Variants in ANAPC5 observed in about 807,000 individuals in gnomAD.
The protein encoded by ANAPC5 is anaphase promoting complex subunit 5, also known as anaphase-promoting complex subunit 5.
In ANAPC5, 60 loss-of-function variants were observed where a neutral mutation model predicts 91.3. The ratio of observed to expected loss-of-function variants is 0.66; its 90% confidence interval spans 0.53 to 0.81. The LOEUF is 0.81. Ranked by LOEUF, ANAPC5 falls within the 40% of genes least tolerant of loss-of-function variation. The pLI, the probability that ANAPC5 is intolerant of heterozygous loss-of-function variation, is 0.00. For synonymous variants in ANAPC5, 340 were observed against 364.1 expected, an observed-to-expected ratio of 0.93 and a Z score of 0.75; for missense variants, 690 against 931.5, an observed-to-expected ratio of 0.74 and a Z score of 3.37.
intron 2 of ANAPC5, 63 bp from the exon 3 acceptor site, chr12:121,347,068 T>C (rs1903696124): frequency 2.1e-6 from 2 of 969,462 alleles, no homozygotes; most frequent in Non-Finnish European, 3.1e-6. Flanking sequence ...TCATGTTTCA[T>C]ATTCCTCAAT....
At chr12:121,337,243 C>G in intron 6 of ANAPC5, 48 bp downstream of exon 6, 1 of 1,489,204 alleles carries the variant, frequency 6.7e-7, no homozygotes, top group Non-Finnish European at 9.3e-7. Context: ...AAAAAAGTTG[C>G]CTTGTCATTC....
At chr12:121,341,932 C>CACACATCACAGGACTAG in intron 5 of ANAPC5, 71 bp downstream of exon 5, 1 of 1,242,808 alleles carries the variant, frequency 8.0e-7, no homozygotes, top group Non-Finnish European at 1.1e-6. Context: ...TATGCCACAA[C>CACACATCACAGGACTAG]ACACATCACA....
chr12:121,337,121 G>C (rs2136799052), intron 6 of ANAPC5, among the ~76,000 whole-genome samples, 170 bp downstream of exon 6: 1 of 152,334 alleles, frequency 6.6e-6, no homozygotes, highest in East Asian at 1.9e-4. Context: ...GGGAGGCTGA[G>C]GCAGGAGAAT....
At chr12:121,330,442 A>G in intron 9 of ANAPC5, 141 bp downstream of exon 9, 1 of 624,050 alleles carries the variant, frequency 1.6e-6, no homozygotes, top group East Asian at 2.9e-5. Flanking sequence ...TAATAATTAA[A>G]GTCATATGAA....
intron 9 of ANAPC5, among the ~76,000 whole-genome samples, chr12:121,329,982 C>T (rs1213629937): frequency 6.6e-6 from 1 of 152,176 alleles, no homozygotes; most frequent in African/African-American, 2.4e-5. Flanking sequence ...TTCCCTATCA[C>T]TCAAAACGAG....
intron 1 of ANAPC5, among the ~76,000 whole-genome samples, chr12:121,349,881 T>C (rs1394056350): frequency 1.3e-5 from 2 of 152,068 alleles, no homozygotes; most frequent in Non-Finnish European, 1.5e-5. Flanking sequence ...TAATTTTTTT[T>C]TGTATTTTTA....
chr12:121,312,890 TAC>T (rs1902225232), intron 15 of ANAPC5, among the ~76,000 whole-genome samples: 1 of 149,056 alleles, frequency 6.7e-6, no homozygotes, highest in Admixed American at 6.7e-5. Context: ...AAAAAAAAAA[TAC>T]ACAGACTCTC....
intron 9 of ANAPC5, chr12:121,328,838 G>T: frequency 4.6e-6 from 1 of 217,436 alleles, no homozygotes; most frequent in Non-Finnish European, 9.2e-6. Flanking sequence ...TGTAAAATGG[G>T]CATCAAACCT....
At chr12:121,346,798 G>T in intron 3 of ANAPC5, 98 bp downstream of exon 3, 1 of 633,656 alleles carries the variant, frequency 1.6e-6, no homozygotes, top group Non-Finnish European at 2.6e-6. Flanking sequence ...TCCCCACTGT[G>T]TCTGTTCACA....
rs997314764 is a variant in ANAPC5, at chr12:121,331,500, A to C, written c.951-72T>G. 1.8e-5 allele frequency: 23 copies of C among 1,294,494 alleles called. No individual in the cohort carries two copies. The African/African-American group carries it at 2.2e-4, about 12-fold the overall frequency. 80.2% of individuals were successfully genotyped at this position (1,294,494 alleles called of 1,614,324 possible). Reference sequence around the variant, plus strand: ...GCATAAGCAACCATAGCAGGAAGTCATCTGTACACAGTCATCCAAATGCAG... The same window carrying C: ...GCATAAGCAACCATAGCAGGAAGTCCTCTGTACACAGTCATCCAAATGCAG... On this transcript the variant is annotated intron_variant, in intron 7 of 16. Coordinates refer to ENST00000261819, the MANE Select transcript of ANAPC5 (RefSeq NM_016237.5).
rs781870840 is a variant in ANAPC5 at position 121,327,185 on chromosome 12, G to A, written c.1351C>T (p.Leu451=). The change falls in exon 11 of 17, where the codon CTG becomes TTG. Residue 451 remains leucine, a synonymous_variant. Coordinates refer to ENST00000261819, the MANE Select transcript of ANAPC5 (RefSeq NM_016237.5). ...TGCACGCCCGCATTCACCGCCTCCA[G>A]GCTGTTCATGCTCAGCAACATCTGG... ...QAQMLLSMNS[L]EAVNAGVQQN... is the part of the protein sequence containing the mutation. 2.5e-6 allele frequency: 4 copies of A among 1,613,622 alleles called. No homozygotes were observed. The South Asian group carries it at 4.4e-5, about 18-fold the overall frequency.
At chr12:121,340,767 G>C (rs782577827) in intron 5 of ANAPC5, among the ~76,000 whole-genome samples, 31 of 151,316 alleles carry the variant, frequency 2.0e-4, no homozygotes, top group Non-Finnish European at 4.0e-4. Flanking sequence ...TCACCATGTT[G>C]GTCAGGCTGC....
At chr12:121,352,961 C>G (rs1218638732), upstream of ANAPC5, among the ~76,000 whole-genome samples, 1 of 151,970 alleles carries the variant, frequency 6.6e-6, no homozygotes, top group Non-Finnish European at 1.5e-5. Flanking sequence ...TTTAAAAGTA[C>G]CGAAATTAAA....
chr12:121,345,874 T>C lies in ANAPC5; in HGVS notation c.555A>G (p.Arg185=), dbSNP rs114147962. Residue 185 remains arginine, a synonymous_variant, in exon 4 of 17, where the codon AGA becomes AGG. Coordinates refer to ENST00000261819, the MANE Select transcript of ANAPC5 (RefSeq NM_016237.5). ...MELTSRDEGE[R]KMEKEELDVS... ...CATCAAGTTCTTCTTTTTCCATTTT[T>C]CTTTCACCCTCATCTCTACTGGTCA... 6.2e-7 allele frequency: 1 copy of C among 1,613,750 alleles called. No individual in the cohort carries two copies. The highest frequency in any genetic ancestry group is 8.5e-7 in the Non-Finnish European group (1 of 1,179,932).
intron 4 of ANAPC5, among the ~76,000 whole-genome samples, chr12:121,343,444 G>A (rs1436035548): frequency 6.6e-6 from 1 of 152,176 alleles, no homozygotes; most frequent in Non-Finnish European, 1.5e-5. Context: ...CAGATAAAGA[G>A]CTCAAAGCAC....
At chr12:121,329,458 A>C (rs930905148) in intron 9 of ANAPC5, among the ~76,000 whole-genome samples, 1 of 151,276 alleles carries the variant, frequency 6.6e-6, no homozygotes, top group Non-Finnish European at 1.5e-5. Flanking sequence ...GGCCGATTTT[A>C]AAGTGTATAC....
chr12:121,326,959 G>T, intron 11 of ANAPC5, 137 bp downstream of exon 11: 1 of 1,213,706 alleles, frequency 8.2e-7, no homozygotes, highest in Non-Finnish European at 1.1e-6. Context: ...CCTTCCACTG[G>T]TGGGATTTCA....
At chr12:121,328,223 T>A (rs1555272507) in intron 10 of ANAPC5, 93 bp downstream of exon 10, 4 of 1,151,418 alleles carry the variant, frequency 3.5e-6, no homozygotes, top group Non-Finnish European at 1.3e-6. Context: ...CCAAGGCAGG[T>A]AAATCTTGTA....
intron 5 of ANAPC5, among the ~76,000 whole-genome samples, chr12:121,341,307 T>C (rs932298638): frequency 2.6e-5 from 4 of 152,094 alleles, no homozygotes; most frequent in African/African-American, 9.7e-5. Flanking sequence ...CCATCTCTAC[T>C]AAAGATACAA....
Sources: allele counts gnomAD v4.1 joint callset (sites outside exome capture counted in the v4.1 genomes callset), GRCh38; gene constraint gnomAD v4.1.1; transcripts MANE v1.5; gene names NCBI Gene and HGNC (gene_info 2026-07-23, HGNC 2026-07-21).